ARIH2: variants seen among roughly 807,000 people sequenced by gnomAD.
ARIH2 encodes ariadne RBR E3 ubiquitin protein ligase 2.
ARIH2 carries 12 observed loss-of-function variants against 79.8 expected under a neutral mutation model. That is an observed-to-expected ratio of 0.15 (90% confidence interval 0.10 to 0.24). The LOEUF is 0.24. ARIH2 is among the 10% of genes least tolerant of loss of function. The pLI, the probability that ARIH2 is intolerant of heterozygous loss-of-function variation, is 1.00. For synonymous variants in ARIH2, 224 were observed against 213.9 expected (o/e 1.05, Z -0.41); for missense variants, 301 against 618.3 (o/e 0.49, Z 5.44).
intron 3 of ARIH2, among the ~76,000 whole-genome samples, chr3:48,937,865 A>G (rs1259256218): frequency 6.6e-6 from 1 of 151,980 alleles, no homozygotes; most frequent in Non-Finnish European, 1.5e-5. Context: ...GGCCAACACA[A>G]TGAAACGCCG....
chr3:48,957,023 G>A (rs574973852), intron 3 of ARIH2, among the ~76,000 whole-genome samples: 13 of 152,062 alleles, frequency 8.5e-5, no homozygotes, highest in Non-Finnish European at 1.5e-4. Context: ...TATCCTATAC[G>A]TATTGATGTC....
In ARIH2 at chr3:48,980,463, G is replaced by A; in HGVS notation, c.1224G>A (p.Gln408=). The part of the protein sequence containing the change: ...MNNLGTWIDW[Q]YLQNAAKLLA... ...ATCTGGGGACATGGATCGACTGGCA[G>A]TACCTACAGAATGCTGCCAAGCTCT... Residue 408 remains glutamine, a synonymous_variant, in exon 13 of 16, where the codon CAG becomes CAA. Transcript: ENST00000356401. 6.2e-7 allele frequency: 1 copy of A among 1,614,116 alleles called. No homozygotes were observed. Among genetic ancestry groups the A allele is most frequent in the Non-Finnish European group, 8.5e-7 (1 of 1,180,008 alleles).
chr3:48,945,242 G>A, intron 3 of ARIH2: 2 of 1,269,002 alleles, frequency 1.6e-6, no homozygotes, highest in Non-Finnish European at 2.1e-6. Flanking sequence ...TTTTCTGGGG[G>A]AAAAGTCTAT....
chr3:48,969,942 G>A (rs1359631602), intron 7 of ARIH2, among the ~76,000 whole-genome samples: 3 of 150,520 alleles, frequency 2.0e-5, no homozygotes, highest in Non-Finnish European at 4.4e-5. Flanking sequence ...CGAGGCCGGA[G>A]TACAGGGACA....
chr3:48,922,621 ATTAAT>A (rs1188752949), intron 1 of ARIH2, 122 bp from the exon 2 acceptor site: 6 of 152,200 alleles, frequency 3.9e-5, no homozygotes, highest in Non-Finnish European at 7.3e-5. Flanking sequence ...AAAGAAGATA[ATTAAT>A]TTAATAGTTA....
intron 3 of ARIH2, among the ~76,000 whole-genome samples, chr3:48,958,453 T>C (rs1341688139): frequency 6.6e-6 from 1 of 152,192 alleles, no homozygotes; most frequent in East Asian, 1.9e-4. Context: ...GGCTCACGCC[T>C]GTAATCCCAG....
rs1379046862 is a variant in ARIH2, at chr3:48,918,845, G to A, written c.-315G>A. On this transcript the variant is annotated 5_prime_UTR_variant, in exon 1 of 16. Transcript: ENST00000356401. ...CGCAACGGCGCCAAGCACTTCCGGA[G>A]CTGTGGGGACGACTCTTCTGGAGGA... 12 of 1,611,348 alleles carry A rather than the reference G, an allele frequency of 7.4e-6. No individual in the cohort carries two copies. The highest frequency in any genetic ancestry group is 1.3e-5 in the African/African-American group (1 of 74,942).
At chr3:48,957,207 T>C (rs568092352) in intron 3 of ARIH2, among the ~76,000 whole-genome samples, 1 of 152,194 alleles carries the variant, frequency 6.6e-6, no homozygotes, top group Non-Finnish European at 1.5e-5. Flanking sequence ...TTGGCTTCAG[T>C]AGAGGGTTAT....
rs1165708171 is a variant in ARIH2, at chr3:48,983,183, T to C, written c.1411-16T>C. On this transcript the variant is annotated splice_polypyrimidine_tract_variant and intron_variant, in intron 15 of 15. Coordinates refer to ENST00000356401, the MANE Select transcript of ARIH2 (RefSeq NM_006321.4). ...GCCTGGGCCATGCAAGCACACACCTTGTTTCTCTGATGCAGGACTTGGAGA... is the reference window on the plus strand; with the variant it reads ...GCCTGGGCCATGCAAGCACACACCTCGTTTCTCTGATGCAGGACTTGGAGA... 1 of 1,614,198 alleles carries C rather than the reference T, an allele frequency of 6.2e-7. No individual in the cohort carries two copies. The highest frequency in any genetic ancestry group is 2.2e-5 in the East Asian group (1 of 44,888).
At chr3:48,932,142 G>T (rs2086455973) in intron 3 of ARIH2, among the ~76,000 whole-genome samples, 1 of 152,102 alleles carries the variant, frequency 6.6e-6, no homozygotes, top group Non-Finnish European at 1.5e-5. Flanking sequence ...GAGAGAGGAA[G>T]GTGCCCAGAA....
At chr3:48,919,637 C>T (rs759030365) in intron 1 of ARIH2, among the ~76,000 whole-genome samples, 3 of 152,218 alleles carry the variant, frequency 2.0e-5, no homozygotes, top group South Asian at 2.1e-4. Context: ...AGCATTTGAC[C>T]TGTAGGCTAG....
At chr3:48,945,981 T>C (rs1291239401) in intron 3 of ARIH2, among the ~76,000 whole-genome samples, 2 of 152,188 alleles carry the variant, frequency 1.3e-5, no homozygotes, top group African/African-American at 4.8e-5. Flanking sequence ...TTTTATCTTA[T>C]AAGGTAGTCT....
At chr3:48,927,344 G>T (rs1429211459) in intron 2 of ARIH2, 118 bp from the exon 3 acceptor site, 3 of 547,680 alleles carry the variant, frequency 5.5e-6, no homozygotes, top group Admixed American at 3.3e-5. Context: ...TGATACCAGA[G>T]TTGGAATAGG....
At chr3:48,952,700 G>GC (rs1309052882) in intron 3 of ARIH2, among the ~76,000 whole-genome samples, 3 of 152,070 alleles carry the variant, frequency 2.0e-5, no homozygotes, top group South Asian at 2.1e-4. Flanking sequence ...GGAATGTGGT[G>GC]CCCCCCACTG....
At chr3:48,975,287 G>A (rs140794348) in intron 11 of ARIH2, among the ~76,000 whole-genome samples, 2 of 152,296 alleles carry the variant, frequency 1.3e-5, no homozygotes, top group East Asian at 1.9e-4. Flanking sequence ...GCCAAGGCAG[G>A]TAAGTAGCTT....
chr3:48,954,436 C>CAA (rs112900221), intron 3 of ARIH2, among the ~76,000 whole-genome samples: 1 of 130,068 alleles, frequency 7.7e-6, no homozygotes. Context: ...GACTCTGTCT[C>CAA]AAAAAAAAAA....
chr3:48,934,574 A>G (rs959082353), intron 3 of ARIH2: 2 of 985,448 alleles, frequency 2.0e-6, no homozygotes, highest in Non-Finnish European at 2.4e-6. Flanking sequence ...CCTCTATCTA[A>G]GTAGAACTTA....
chr3:48,953,497 G>A (rs1354433203), intron 3 of ARIH2, among the ~76,000 whole-genome samples: 4 of 152,004 alleles, frequency 2.6e-5, no homozygotes, highest in South Asian at 2.1e-4. Flanking sequence ...TCCGCCTCCC[G>A]GGTTCACGCC....
intron 11 of ARIH2, among the ~76,000 whole-genome samples, chr3:48,978,459 GTGTGTGTATA>G (rs1333234819): frequency 1.9e-5 from 2 of 103,998 alleles, no homozygotes; most frequent in Non-Finnish European, 3.8e-5. Flanking sequence ...GTGTGTGTGT[GTGTGTGTATA>G]TATATATATA....
Sources: gnomAD v4.1 joint callset for allele counts (sites outside exome capture counted in the v4.1 genomes callset) on GRCh38, gnomAD v4.1.1 for gene constraint, MANE v1.5 for transcripts, NCBI Gene and HGNC (gene_info 2026-07-23, HGNC 2026-07-21) for gene names.